Variants in PCDHA8 observed in about 807,000 individuals in gnomAD.
PCDHA8 encodes protocadherin alpha 8.
A neutral mutation model predicts 61.8 loss-of-function variants in PCDHA8; 53 were observed. The observed-to-expected ratio is 0.86, with a 90% CI of 0.69 to 1.08. The LOEUF (loss-of-function observed/expected upper bound fraction) is 1.08, where lower values mean the gene tolerates loss of function less well. Ranked by LOEUF, PCDHA8 falls within the 50% of genes least tolerant of loss-of-function variation. The pLI is 0.00. For synonymous variants in PCDHA8, 618 were observed against 556.6 expected (o/e 1.11, Z -1.55); for missense variants, 1,293 against 1,245.0 (o/e 1.04, Z -0.58).
chr5:140,953,778 A>AT, intron 1 of PCDHA8, among the ~76,000 whole-genome samples: 1 of 152,106 alleles, frequency 6.6e-6, no homozygotes, highest in South Asian at 2.1e-4. Context: ...ATATTTATTT[A>AT]TTTTTTTCTT....
intron 1 of PCDHA8, among the ~76,000 whole-genome samples, chr5:140,888,040 T>C (rs1338203545): frequency 6.6e-6 from 1 of 152,222 alleles, no homozygotes; most frequent in Non-Finnish European, 1.5e-5. Context: ...TTAGTACATG[T>C]ATAATAGATG....
At chr5:140,901,474 T>C (rs2068694853) in intron 1 of PCDHA8, among the ~76,000 whole-genome samples, 1 of 152,216 alleles carries the variant, frequency 6.6e-6, no homozygotes, top group Admixed American at 6.5e-5. Context: ...CTCGAGTTTA[T>C]GTTCTTGGCA....
chr5:140,898,284 T>C (rs2066636432), intron 1 of PCDHA8, among the ~76,000 whole-genome samples: 1 of 152,254 alleles, frequency 6.6e-6, no homozygotes, highest in South Asian at 2.1e-4. Flanking sequence ...TTCTGAATGG[T>C]AATGCCTAGG....
chr5:140,967,756 C>T (rs1554229911), intron 1 of PCDHA8: 2 of 1,614,216 alleles, frequency 1.2e-6, no homozygotes, highest in Middle Eastern at 1.6e-4. Context: ...AAGCCTCCTC[C>T]TACCAGATCT....
intron 1 of PCDHA8, among the ~76,000 whole-genome samples, chr5:140,919,693 T>C (rs1383014744): frequency 6.6e-6 from 1 of 152,234 alleles, no homozygotes; most frequent in Admixed American, 6.5e-5. Context: ...TTCAGATTTA[T>C]ATTAACTTAA....
intron 3 of PCDHA8, among the ~76,000 whole-genome samples, chr5:140,996,604 A>G (rs1554255259): frequency 1.3e-5 from 2 of 152,090 alleles, no homozygotes; most frequent in African/African-American, 4.8e-5. Flanking sequence ...CCCCATTTTC[A>G]TTTGGCAAAT....
chr5:140,869,348 G>A (rs782687742), intron 1 of PCDHA8: 1 of 1,614,066 alleles, frequency 6.2e-7, no homozygotes, highest in South Asian at 1.1e-5. Context: ...CTGCAGAATG[G>A]CATTTTGTTT....
intron 1 of PCDHA8, chr5:140,850,189 T>C: frequency 6.3e-7 from 1 of 1,593,496 alleles, no homozygotes; most frequent in South Asian, 1.1e-5. Flanking sequence ...GCGCCGGCGC[T>C]GCTGACACCT....
chr5:140,968,715 A>G, intron 1 of PCDHA8: 1 of 1,614,132 alleles, frequency 6.2e-7, no homozygotes, highest in Non-Finnish European at 8.5e-7. Context: ...AAGATGGGAG[A>G]TGAGAGTGGT....
rs1563353899 is a variant in PCDHA8, at chr5:140,966,713, G to A, written c.2395-12236G>A. The A allele has an allele frequency of 4.3e-6, 6 of 1,392,826 alleles. No individual in the cohort carries two copies. The African/African-American group carries it at 9.1e-5, about 21-fold the overall frequency. 86.3% of individuals were successfully genotyped at this position (1,392,826 alleles called of 1,614,324 possible). ...CGGGGCCCGGGCGTGGGGCACGGCTGGGGAAGCTGCCGCCTCCGGCCCTGC... is the reference window on the plus strand; with the variant it reads ...CGGGGCCCGGGCGTGGGGCACGGCTAGGGAAGCTGCCGCCTCCGGCCCTGC... On this transcript the variant is annotated intron_variant, in intron 1 of 3. Transcript: ENST00000531613.
rs1483756278 is a variant in PCDHA8, at chr5:140,982,223, T to TA, written c.2454-246dup. On this transcript the variant is annotated intron_variant, in intron 2 of 3. Transcript: ENST00000531613. Reference sequence around the variant, plus strand: ...TTTAGTGAGCGCCACATGGCGTTAATAAAAAACAGAATTGCCATAAAGATA... The same window carrying TA: ...TTTAGTGAGCGCCACATGGCGTTAATAAAAAAACAGAATTGCCATAAAGATA... 8.6e-6 allele frequency: 5 copies of TA among 580,096 alleles called. No homozygotes were observed. In the East Asian group the frequency reaches 1.2e-4, roughly 14 times the overall value. The allele number at this position is 580,096 out of a possible 1,614,324, so 35.9% of individuals were successfully genotyped here. A position where few individuals can be genotyped will look rare whatever the true frequency, so the allele number is the denominator to read the frequency against.
At chr5:140,907,092 G>C (rs1381969899) in intron 1 of PCDHA8, among the ~76,000 whole-genome samples, 4 of 152,262 alleles carry the variant, frequency 2.6e-5, no homozygotes, top group African/African-American at 9.6e-5. Context: ...GGTAAGTGGT[G>C]CCACTTCCAC....
chr5:141,009,992 C>G lies in PCDHA8; in HGVS notation c.*55C>G. 1 of 1,578,492 alleles carries G rather than the reference C, an allele frequency of 6.3e-7. No homozygotes were observed. On this transcript the variant is annotated 3_prime_UTR_variant, in exon 4 of 4. Transcript: ENST00000531613. ...CAGTTTTTGTAATAATGGCAAATCT[C>G]TCCCATGTAGCAATTCCCTGCTCCT...
chr5:140,967,057 AGC>A, intron 1 of PCDHA8: 1 of 1,612,704 alleles, frequency 6.2e-7, no homozygotes, highest in Non-Finnish European at 8.5e-7. Context: ...TGACGAGTGG[AGC>A]GCTCTTCGTC....
rs199714982 is a variant in PCDHA8, at chr5:140,967,252, G to T, written c.2395-11697G>T. On this transcript the variant is annotated intron_variant, in intron 1 of 3. Coordinates refer to ENST00000531613, the MANE Select transcript of PCDHA8 (RefSeq NM_018911.3). ...AGCTTCAGGTAAGCGAATCGGTGGC[G>T]CCTGGAGCGCGCTTTCACATAGAGA... 6.0e-5 allele frequency: 97 copies of T among 1,613,386 alleles called. 1 individual carries two copies. Among genetic ancestry groups the T allele is most frequent in the Non-Finnish European group, 8.0e-5 (94 of 1,179,870 alleles).
At position 140,911,726 on chromosome 5, in the gene PCDHA8, G is replaced by GTTCGTGCCAAGGAC. The variant is rs372287116; in HGVS notation, c.2395-67221_2395-67208dup. On this transcript the variant is annotated intron_variant, in intron 1 of 3. Transcript: ENST00000531613. ...TTTATTTTGTGTAACTCTGTAAACAGTTCGTGCCAAGGACTATCAGTGTTC... is the reference window on the plus strand; with the variant it reads ...TTTATTTTGTGTAACTCTGTAAACAGTTCGTGCCAAGGACTTCGTGCCAAGGACTATCAGTGTTC... Among the ~76,000 whole-genome samples, 876 of 152,272 alleles carry GTTCGTGCCAAGGAC rather than the reference G, an allele frequency of 5.8e-3. 6 individuals are homozygous for GTTCGTGCCAAGGAC. The highest frequency in any genetic ancestry group is 0.018 in the African/African-American group (761 of 41,552).
intron 1 of PCDHA8, chr5:140,848,707 G>A (rs782550579): frequency 2.5e-6 from 4 of 1,592,422 alleles, no homozygotes; most frequent in East Asian, 2.2e-5. Context: ...TCCAAAGGCC[G>A]CGGGGACCTT....
rs2150462879 is a variant in PCDHA8 at position 140,850,003 on chromosome 5, C to T, written c.2394+6288C>T. On this transcript the variant is annotated intron_variant, in intron 1 of 3. Coordinates refer to ENST00000531613, the MANE Select transcript of PCDHA8 (RefSeq NM_018911.3). ...GTGGAGCGGCGGTTGGGCGAGCGCTCGCTGTCGAGCTACGTGTCAGTGCAC... is the reference window on the plus strand; with the variant it reads ...GTGGAGCGGCGGTTGGGCGAGCGCTTGCTGTCGAGCTACGTGTCAGTGCAC... 1.5e-5 allele frequency: 24 copies of T among 1,596,910 alleles called. No homozygotes were observed. The East Asian group carries it at 5.1e-4, about 34-fold the overall frequency.
chr5:140,854,536 A>G (rs930055548), intron 1 of PCDHA8: 6 of 150,026 alleles, frequency 4.0e-5, no homozygotes, highest in African/African-American at 1.5e-4. Context: ...CATTTCTGTC[A>G]GTTTTCTTAT....
Sources: gnomAD v4.1 joint callset for allele counts (sites outside exome capture counted in the v4.1 genomes callset) on GRCh38, gnomAD v4.1.1 for gene constraint, MANE v1.5 for transcripts, NCBI Gene and HGNC (gene_info 2026-07-23, HGNC 2026-07-21) for gene names.